The following ALOX12B variants were observed in gnomAD, a reference collection of about 807,000 sequenced individuals.
The protein encoded by ALOX12B is arachidonate 12-lipoxygenase, 12R type, also known as arachidonate 12-lipoxygenase, 12R-type.
ALOX12B carries 47 observed loss-of-function variants against 78.9 expected under a neutral mutation model. That is an observed-to-expected ratio of 0.60 (90% CI 0.47 to 0.76). The LOEUF (loss-of-function observed/expected upper bound fraction) is 0.76. ALOX12B is among the 30% of genes least tolerant of loss of function. The pLI, the probability that ALOX12B is intolerant of heterozygous loss-of-function variation, is 0.00. For missense variants in ALOX12B, 805 were observed against 922.6 expected (o/e 0.87, Z 1.65); for synonymous variants, 370 against 374.5 (o/e 0.99, Z 0.14).
Position 8,079,907 on chromosome 17 carries a change from G to A in ALOX12B, c.789C>T (p.Phe263=), listed in dbSNP as rs929245168. The change falls in exon 7 of 15, where the codon TTC becomes TTT. Residue 263 remains phenylalanine (F), a synonymous_variant. Transcript: ENST00000647874. The surrounding 1 kb of genome is among the most constrained non-coding windows in gnomAD (Gnocchi z 6.4). ...CGCCGTTGAGGTACTGGTACCCAAA[G>A]AAGGTGTCCTCTGCCCAGTGCTCGG... The part of the protein sequence containing the change: ...YVAEHWAEDT[F]FGYQYLNGVN... 1.9e-6 allele frequency: 3 copies of A among 1,613,094 alleles called. No individual in the cohort carries two copies. The highest frequency in any genetic ancestry group is 2.2e-5 in the East Asian group (1 of 44,868).
chr17:8,087,217 GAC>G, intron 1 of ALOX12B, 77 bp downstream of exon 1: 1 of 1,520,610 alleles, frequency 6.6e-7, no homozygotes, highest in South Asian at 1.2e-5. Flanking sequence ...AAGACACACA[GAC>G]ACACACAGAC....
At chr17:8,083,767 C>T (rs1250344071) in intron 2 of ALOX12B, among the ~76,000 whole-genome samples, 4 of 151,918 alleles carry the variant, frequency 2.6e-5, no homozygotes, top group African/African-American at 7.3e-5. Context: ...AAAACAACTC[C>T]GTTCAGATGT....
rs1977192280 is a variant in ALOX12B at position 8,080,518 on chromosome 17, G to T, written c.650+140C>A. On this transcript the variant is annotated intron_variant, in intron 5 of 14. Coordinates refer to ENST00000647874, the MANE Select transcript of ALOX12B (RefSeq NM_001139.3). The surrounding 1 kb of genome is among the most constrained non-coding windows in gnomAD (Gnocchi z 4.8). The stretch of plus-strand genomic sequence containing the variant: ...CTAGGTCTCTGGGATCATGTCTCAG[G>T]TTTTCTGGGTCTGCGTTTCAGCTCC... 1 of 1,456,208 alleles carries T rather than the reference G, an allele frequency of 6.9e-7. No homozygotes were observed. The highest frequency in any genetic ancestry group is 1.4e-5 in the African/African-American group (1 of 71,200). 90.2% of individuals were successfully genotyped at this position (1,456,208 alleles called of 1,614,324 possible). A position where few individuals can be genotyped will look rare whatever the true frequency, so the allele number is the denominator to read the frequency against.
chr17:8,079,853 C>A lies in ALOX12B; in HGVS notation c.843G>T (p.Thr281=), dbSNP rs1977170338. 1 of 1,613,556 alleles carries A rather than the reference C, an allele frequency of 6.2e-7. No homozygotes were observed. The highest frequency in any genetic ancestry group is 1.1e-5 in the South Asian group (1 of 91,066). Reference sequence around the variant, plus strand: ...TGACGGGGAACTTGTCTGGGATCCGCGTGCAGCGGCGGATCAGGCCGGGGT... The same window carrying A: ...TGACGGGGAACTTGTCTGGGATCCGAGTGCAGCGGCGGATCAGGCCGGGGT... ...GVNPGLIRRC[T]RIPDKFPVTD... The change falls in exon 7 of 15, where the codon ACG becomes ACT. Residue 281 remains threonine, a synonymous_variant. Coordinates refer to ENST00000647874, the MANE Select transcript of ALOX12B (RefSeq NM_001139.3). The surrounding 1 kb of genome is among the most constrained non-coding windows in gnomAD (Gnocchi z 6.4).
chr17:8,081,446 T>G, intron 2 of ALOX12B: 1 of 555,466 alleles, frequency 1.8e-6, no homozygotes, highest in Non-Finnish European at 3.3e-6. Flanking sequence ...CTAGACCCAC[T>G]GAAATATTTT....
chr17:8,078,128 T>C (rs1977126657), intron 8 of ALOX12B, among the ~76,000 whole-genome samples: 1 of 137,538 alleles, frequency 7.3e-6, no homozygotes, highest in South Asian at 2.3e-4. Flanking sequence ...TATTTATTTA[T>C]TTATTTATTT....
Position 8,086,206 on chromosome 17 carries a change from G to A in ALOX12B, c.162C>T (p.Thr54=), listed in dbSNP as rs140358107. 9.7e-5 allele frequency: 156 copies of A among 1,614,034 alleles called. No homozygotes were observed. The African/African-American group carries it at 1.6e-3, about 17-fold the overall frequency. ...CACCCAGGTCCTGAGGGCACTGCACGGTGTACTGGCCCACCTAGGCAGGAT... is the reference window on the plus strand; with the variant it reads ...CACCCAGGTCCTGAGGGCACTGCACAGTGTACTGGCCCACCTAGGCAGGAT... The part of the protein sequence containing the change: ...DFATGAVGQY[T]VQCPQDLGEL... The change falls in exon 2 of 15, where the codon ACC becomes ACT. Residue 54 remains threonine (T), a synonymous_variant. Coordinates refer to ENST00000647874, the MANE Select transcript of ALOX12B (RefSeq NM_001139.3).
At chr17:8,076,906 T>C in intron 9 of ALOX12B, 84 bp downstream of exon 9, 1 of 1,494,596 alleles carries the variant, frequency 6.7e-7, no homozygotes, top group Non-Finnish European at 9.1e-7. Context: ...GGAGTCTCTC[T>C]GACTGCTCAG....
At chr17:8,081,517 A>G (rs1977217441) in intron 2 of ALOX12B, 2 of 420,120 alleles carry the variant, frequency 4.8e-6, no homozygotes, top group Non-Finnish European at 9.3e-6. Flanking sequence ...TGGCCAAGTT[A>G]GGGCTTTAGG....
Position 8,080,931 on chromosome 17 carries a change from G to A in ALOX12B, c.480C>T (p.Pro160=), listed in dbSNP as rs375567713. 1.2e-6 allele frequency: 2 copies of A among 1,613,938 alleles called. No individual in the cohort carries two copies. The highest frequency in any genetic ancestry group is 1.7e-6 in the Non-Finnish European group (2 of 1,180,020). ...LPGLPSYVHI[P]SYRPPVRRHR... ...GCCTCCGCACCGGAGGGCGGTAACT[G>A]GGAATGTGCACATAGCTGGGCAGGC... The change falls in exon 4 of 15, where the codon CCC becomes CCT. Residue 160 remains proline (P), a synonymous_variant. Transcript: ENST00000647874. The surrounding 1 kb of genome is among the most constrained non-coding windows in gnomAD (Gnocchi z 4.8).
chr17:8,086,216 C>T lies in ALOX12B; in HGVS notation c.152G>A (p.Gly51Asp), dbSNP rs779784019. The change falls in exon 2 of 15, where the codon GGC (glycine) becomes GAC (aspartate). Residue 51 changes from glycine (G) to aspartate (D), a missense_variant. Physicochemically the swap from Gly to Asp is moderately conservative, Grantham distance 94. Transcript: ENST00000647874. ...CTGAGGGCACTGCACGGTGTACTGG[C>T]CCACCTAGGCAGGATGCAAGCCTGG... ...FGRDFATGAV[G>D]QYTVQCPQDL... is the part of the protein sequence containing the mutation. The T allele has an allele frequency of 7.4e-6, 12 of 1,613,714 alleles. No homozygotes were observed. Among genetic ancestry groups the T allele is most frequent in the Admixed American group, 6.7e-5 (4 of 59,984 alleles).
chr17:8,082,942 C>T (rs1405710437), intron 2 of ALOX12B, among the ~76,000 whole-genome samples: 2 of 152,150 alleles, frequency 1.3e-5, no homozygotes, highest in Non-Finnish European at 1.5e-5. Context: ...GTGACCCCTT[C>T]GTCACAACTG....
chr17:8,085,604 T>C (rs1410267164), intron 2 of ALOX12B, among the ~76,000 whole-genome samples: 1 of 152,186 alleles, frequency 6.6e-6, no homozygotes, highest in African/African-American at 2.4e-5. Context: ...AGGGCGTCTT[T>C]CTGGAGCGCA....
Position 8,077,567 on chromosome 17 carries a change from A to G in ALOX12B, c.1072-374T>C, listed in dbSNP as rs62065103. Among the ~76,000 whole-genome samples, 932 of 152,330 alleles carry G rather than the reference A, an allele frequency of 6.1e-3. 4 individuals carry two copies. Among genetic ancestry groups the G allele is most frequent in the Middle Eastern group, 0.017 (5 of 294 alleles). ...TAGCCCCTCAGGGGGCAGGCAGATC[A>G]CTGAAATCAGCCTACGCTATTCCAT... On this transcript the variant is annotated intron_variant, in intron 8 of 14. Transcript: ENST00000647874.
At position 8,080,205 on chromosome 17, in the gene ALOX12B, C is replaced by T; in HGVS notation, c.754+30G>A. ...CACGCCGGAGACCGCCTGGCTCCCC[C>T]TGCTCGATCCGGGACGCCCCATTCC... On this transcript the variant is annotated intron_variant, in intron 6 of 14. Coordinates refer to ENST00000647874, the MANE Select transcript of ALOX12B (RefSeq NM_001139.3). This position sits in a 1 kb window ranked among gnomAD's most constrained non-coding sequence, Gnocchi z 4.8. 4 of 1,609,304 alleles carry T rather than the reference C, an allele frequency of 2.5e-6. No homozygotes were observed. Among genetic ancestry groups the T allele is most frequent in the Non-Finnish European group, 3.4e-6 (4 of 1,175,604 alleles).
At position 8,079,859 on chromosome 17, in the gene ALOX12B, G is replaced by A. The variant is rs371049079; in HGVS notation, c.837C>T (p.Arg279=). The part of the protein sequence containing the change: ...LNGVNPGLIR[R]CTRIPDKFPV... ...GGAACTTGTCTGGGATCCGCGTGCA[G>A]CGGCGGATCAGGCCGGGGTTGACGC... Residue 279 remains arginine (R), a synonymous_variant, in exon 7 of 15, where the codon CGC becomes CGT. Transcript: ENST00000647874. The surrounding 1 kb of genome is among the most constrained non-coding windows in gnomAD (Gnocchi z 6.4). 6.2e-6 allele frequency: 10 copies of A among 1,613,436 alleles called. No homozygotes were observed. The highest frequency in any genetic ancestry group is 5.3e-5 in the African/African-American group (4 of 74,950).
rs910354871 is a variant in ALOX12B at position 8,079,779 on chromosome 17, G to T, written c.917C>A (p.Ala306Glu). Residue 306 changes from alanine to glutamate, a missense_variant, in exon 7 of 15, where the codon GCG (alanine) becomes GAG (glutamate). Transcript: ENST00000647874. The surrounding 1 kb of genome is among the most constrained non-coding windows in gnomAD (Gnocchi z 6.4). ...PFLGEGTCLQ[A>E]ELEKGNIYLA... The stretch of plus-strand genomic sequence containing the variant: ...CGGAGCGGGCCTCACCTCCAGCTCC[G>T]CTTGCAAGCACGTTCCCTCGCCCAG... 1.9e-6 allele frequency: 3 copies of T among 1,612,380 alleles called. No homozygotes were observed. The highest frequency in any genetic ancestry group is 2.2e-5 in the South Asian group (2 of 90,954).
chr17:8,076,573 CA>C (rs2151821914), intron 10 of ALOX12B, 83 bp downstream of exon 10: 1 of 1,465,066 alleles, frequency 6.8e-7, no homozygotes, highest in Non-Finnish European at 9.4e-7. Flanking sequence ...GACCCAAAGG[CA>C]AATGGGAAGT....
rs1978304740 is a variant in ALOX12B at position 8,087,345 on chromosome 17, C to T, written c.98G>A (p.Ser33Asn). Residue 33 changes from serine (S) to asparagine (N), a missense_variant, in exon 1 of 15, where the codon AGC becomes AAC. By Grantham distance (46) the Ser-to-Asn change is conservative. Coordinates refer to ENST00000647874, the MANE Select transcript of ALOX12B (RefSeq NM_001139.3). ...AAAGTGGTTCAGCAGCTGCTTATGG[C>T]TCTCTCCTTGTGTCCCCACAATGGT... ...SLTIVGTQGE[S>N]HKQLLNHFGR... is the part of the protein sequence containing the mutation. 7.4e-6 allele frequency: 12 copies of T among 1,614,096 alleles called. No homozygotes were observed. Among genetic ancestry groups the T allele is most frequent in the African/African-American group, 1.3e-5 (1 of 74,934 alleles).
Sources: gnomAD v4.1 joint callset for allele counts (sites outside exome capture counted in the v4.1 genomes callset) on GRCh38, gnomAD v4.1.1 for gene constraint, Gnocchi (gnomAD v3.1) non-coding constraint, MANE v1.5 for transcripts, NCBI Gene and HGNC (gene_info 2026-07-23, HGNC 2026-07-21) for gene names.